The following MACROD1 variants were observed in gnomAD, a reference collection of about 807,000 sequenced individuals.
MACROD1 encodes the protein ADP-ribose glycohydrolase MACROD1.
Under a neutral mutation model 41.4 loss-of-function variants are expected in MACROD1, and 31 were observed. That is an observed-to-expected ratio of 0.75 (90% CI 0.56 to 1.01). The LOEUF (loss-of-function observed/expected upper bound fraction) is 1.01. Ranked by LOEUF, MACROD1 falls within the 50% of genes least tolerant of loss-of-function variation. MACROD1 has a pLI of 0.00. For missense variants in MACROD1, 473 were observed against 460.0 expected, an observed-to-expected ratio of 1.03 and a Z score of -0.26; for synonymous variants, 252 against 203.4, an observed-to-expected ratio of 1.24 and a Z score of -2.03.
intron 3 of MACROD1, among the ~76,000 whole-genome samples, chr11:64,110,649 C>A (rs1017220074): frequency 1.3e-5 from 2 of 151,994 alleles, no homozygotes; most frequent in African/African-American, 4.8e-5. Flanking sequence ...CTGCTCCCTT[C>A]GCCCACCCCC....
chr11:64,048,053 G>T (rs761224888), intron 3 of MACROD1, among the ~76,000 whole-genome samples: 2 of 152,128 alleles, frequency 1.3e-5, no homozygotes, highest in Admixed American at 1.3e-4. Context: ...GGCCCTGCCC[G>T]CCTGAGGCCC....
intron 3 of MACROD1, among the ~76,000 whole-genome samples, chr11:64,125,165 T>C (rs57320953): frequency 1.0e-3 from 153 of 152,240 alleles, no homozygotes; most frequent in African/African-American, 3.5e-3. Context: ...GCTGAGGGCA[T>C]AGGGCAACCT....
Position 64,090,240 on chromosome 11 carries a change from G to C in MACROD1, c.517+60999C>G, listed in dbSNP as rs372287475. Among the ~76,000 whole-genome samples the C allele has an allele frequency of 5.9e-5, 9 of 152,300 alleles. No homozygotes were observed. The East Asian group carries it at 1.7e-3, about 29-fold the overall frequency. Reference sequence around the variant, plus strand: ...GTGTGGGAAAGGCCAACGGGCGTGTGGGTCTCCAGCCTTTGCTCATCCTCG... The same window carrying C: ...GTGTGGGAAAGGCCAACGGGCGTGTCGGTCTCCAGCCTTTGCTCATCCTCG... On this transcript the variant is annotated intron_variant, in intron 3 of 10. Transcript: ENST00000255681. This position sits in a 1 kb window ranked among gnomAD's most constrained non-coding sequence, Gnocchi z 4.7.
intron 3 of MACROD1, among the ~76,000 whole-genome samples, chr11:64,085,088 A>G (rs1944370741): frequency 1.3e-5 from 2 of 152,206 alleles, no homozygotes; most frequent in Non-Finnish European, 2.9e-5. Flanking sequence ...ATCCCCCAAC[A>G]TATCAGTAGG....
intron 3 of MACROD1, chr11:64,116,753 C>T (rs763054581): frequency 1.9e-5 from 30 of 1,613,586 alleles, no homozygotes; most frequent in Admixed American, 3.3e-5. Flanking sequence ...ATGACAACTC[C>T]GTGTCCACCG....
chr11:64,049,227 GTGTT>G (rs1206752164), intron 3 of MACROD1, among the ~76,000 whole-genome samples: 1 of 152,300 alleles, frequency 6.6e-6, no homozygotes, highest in South Asian at 2.1e-4. Context: ...AGAGACCACT[GTGTT>G]TGTTAACACC....
intron 1 of MACROD1, among the ~76,000 whole-genome samples, chr11:64,162,910 G>T (rs888553276): frequency 6.6e-6 from 1 of 152,084 alleles, no homozygotes; most frequent in Non-Finnish European, 1.5e-5. Context: ...CACGAGGTCC[G>T]GAGATCAAGA....
intron 3 of MACROD1, among the ~76,000 whole-genome samples, chr11:64,066,214 G>A (rs1455945900): frequency 7.5e-5 from 11 of 147,350 alleles, no homozygotes; most frequent in Admixed American, 4.8e-4. Flanking sequence ...GGAGAATTGC[G>A]AGAACCTGGG....
At chr11:64,102,150 CAG>C (rs1222977200) in intron 3 of MACROD1, among the ~76,000 whole-genome samples, 1 of 152,202 alleles carries the variant, frequency 6.6e-6, no homozygotes, top group African/African-American at 2.4e-5. Flanking sequence ...GATTTCAAAC[CAG>C]AGTGAGCACT....
intron 3 of MACROD1, among the ~76,000 whole-genome samples, chr11:64,021,952 T>G (rs1193464642): frequency 0.067 from 117 of 1,756 alleles, 1 homozygote; most frequent in East Asian, 0.1. Context: ...GGGGGGGGGG[T>G]GTGAGGTGGC....
chr11:64,114,256 G>GTGGATTGATGGATGGA (rs139072150), intron 3 of MACROD1, among the ~76,000 whole-genome samples: 3 of 137,906 alleles, frequency 2.2e-5, no homozygotes, highest in Non-Finnish European at 4.7e-5. Context: ...GGATGGTTAG[G>GTGGATTGATGGATGGA]TGGATGGATG....
intron 3 of MACROD1, among the ~76,000 whole-genome samples, chr11:64,134,394 C>T (rs765021291): frequency 6.6e-6 from 1 of 152,202 alleles, no homozygotes; most frequent in African/African-American, 2.4e-5. Flanking sequence ...CAGCCTCTGC[C>T]AAGGAAGCGT....
intron 3 of MACROD1, among the ~76,000 whole-genome samples, chr11:64,142,376 T>A (rs1206474947): frequency 1.3e-5 from 2 of 151,888 alleles, no homozygotes; most frequent in Non-Finnish European, 2.9e-5. Flanking sequence ...CAAAAAAATT[T>A]ACAAAATAAA....
At chr11:64,119,559 A>G (rs1326807371) in intron 3 of MACROD1, among the ~76,000 whole-genome samples, 1 of 151,794 alleles carries the variant, frequency 6.6e-6, no homozygotes, top group Admixed American at 6.6e-5. Context: ...ATTGGTTTCC[A>G]TGGCTGCTCA....
intron 3 of MACROD1, among the ~76,000 whole-genome samples, chr11:64,033,696 C>G (rs1021808576): frequency 6.6e-6 from 1 of 151,830 alleles, no homozygotes; most frequent in Non-Finnish European, 1.5e-5. Flanking sequence ...CAAAAATTAG[C>G]CAGGCGTAGT....
intron 3 of MACROD1, among the ~76,000 whole-genome samples, chr11:64,097,536 G>A (rs1053830550): frequency 1.8e-4 from 27 of 152,348 alleles, no homozygotes; most frequent in African/African-American, 6.3e-4. Flanking sequence ...CCCGCCGGCC[G>A]GGCGGCACAG....
At chr11:64,112,885 G>A (rs1944887922) in intron 3 of MACROD1, among the ~76,000 whole-genome samples, 1 of 152,250 alleles carries the variant, frequency 6.6e-6, no homozygotes, top group South Asian at 2.1e-4. Flanking sequence ...TGAAGGGAAC[G>A]TTTGAGTGTG....
intron 3 of MACROD1, among the ~76,000 whole-genome samples, chr11:64,111,078 G>C (rs1385992292): frequency 6.6e-6 from 1 of 152,244 alleles, no homozygotes; most frequent in African/African-American, 2.4e-5. Flanking sequence ...TCTCTGAAAG[G>C]TGCAATTTAG....
Position 64,082,202 on chromosome 11 carries a change from TC to T in MACROD1, c.518-66922del, listed in dbSNP as rs1322470033. On this transcript the variant is annotated intron_variant, in intron 3 of 10. Coordinates refer to ENST00000255681, the MANE Select transcript of MACROD1 (RefSeq NM_014067.4). The surrounding 1 kb of genome is among the most constrained non-coding windows in gnomAD (Gnocchi z 4.5). ...CAGAGCCAGGAGCAGGCGCGAAACA[TC>T]CCTTAAATATTGGTGCTCTCGGCAG... Among the ~76,000 whole-genome samples, 1 of 151,868 alleles carries T rather than the reference TC, an allele frequency of 6.6e-6. No homozygotes were observed. The highest frequency in any genetic ancestry group is 1.9e-4 in the East Asian group (1 of 5,158).
Sources: gnomAD v4.1 joint callset for allele counts (sites outside exome capture counted in the v4.1 genomes callset) on GRCh38, gnomAD v4.1.1 for gene constraint, Gnocchi (gnomAD v3.1) non-coding constraint, MANE v1.5 for transcripts, NCBI Gene and HGNC (gene_info 2026-07-23, HGNC 2026-07-21) for gene names.